SLC35F3: variants seen among roughly 807,000 people sequenced by gnomAD.
SLC35F3 encodes the protein solute carrier family 35 member F3.
Under a neutral mutation model 49.9 loss-of-function variants are expected in SLC35F3, and 25 were observed. The observed-to-expected ratio is 0.50, with a 90% CI of 0.37 to 0.70. SLC35F3 has a LOEUF of 0.70. SLC35F3 is among the 30% of genes least tolerant of loss of function. The pLI, the probability that SLC35F3 is intolerant of heterozygous loss-of-function variation, is 0.00. For synonymous variants in SLC35F3, 275 were observed against 265.4 expected (o/e 1.04, Z -0.35); for missense variants, 525 against 639.8 (o/e 0.82, Z 1.94).
chr1:234,032,396 A>G lies in SLC35F3; in HGVS notation c.283+126638A>G, dbSNP rs948635180. Reference sequence around the variant, plus strand: ...AAAAAAAAATTCAATAGGTTTTTGGAGAGCAGGTGGTGTTTGGTAACATGA... The same window carrying G: ...AAAAAAAAATTCAATAGGTTTTTGGGGAGCAGGTGGTGTTTGGTAACATGA... On this transcript the variant is annotated intron_variant, in intron 2 of 7. Transcript: ENST00000366618. Among the ~76,000 whole-genome samples, 9 of 151,498 alleles carry G rather than the reference A, an allele frequency of 5.9e-5. 1 individual carries two copies. The highest frequency in any genetic ancestry group is 5.3e-4 in the Admixed American group (8 of 15,228).
intron 2 of SLC35F3, among the ~76,000 whole-genome samples, chr1:234,120,973 G>A (rs2102893097): frequency 6.6e-6 from 1 of 152,038 alleles, no homozygotes; most frequent in South Asian, 2.1e-4. Context: ...GGTCTCTTTT[G>A]GATTCAAGCA....
chr1:234,153,010 G>A (rs1666098877), intron 2 of SLC35F3, among the ~76,000 whole-genome samples: 1 of 152,086 alleles, frequency 6.6e-6, no homozygotes, highest in Admixed American at 6.6e-5. Context: ...ATGTATGTTG[G>A]CAACATAAAA....
chr1:234,054,426 C>T (rs1186954066), intron 2 of SLC35F3, among the ~76,000 whole-genome samples: 6 of 152,158 alleles, frequency 3.9e-5, no homozygotes, highest in Admixed American at 1.3e-4. Context: ...TCCACTTGAT[C>T]GAATCGGCTA....
At chr1:233,940,909 A>C (rs1226327034) in intron 2 of SLC35F3, among the ~76,000 whole-genome samples, 1 of 152,194 alleles carries the variant, frequency 6.6e-6, no homozygotes, top group Non-Finnish European at 1.5e-5. Context: ...AATGTCTTTC[A>C]AAAAGGGTAT....
intron 3 of SLC35F3, among the ~76,000 whole-genome samples, chr1:234,302,036 T>C (rs936008451): frequency 6.6e-6 from 1 of 151,758 alleles, no homozygotes; most frequent in Admixed American, 6.6e-5. Context: ...CCAGGGCCTG[T>C]TGAAGGATGA....
At chr1:233,959,391 T>A (rs1662756939) in intron 2 of SLC35F3, among the ~76,000 whole-genome samples, 3 of 152,214 alleles carry the variant, frequency 2.0e-5, no homozygotes, top group African/African-American at 7.2e-5. Flanking sequence ...GTACACATAA[T>A]GGAAATCTCT....
chr1:233,988,068 G>A (rs774817517), intron 2 of SLC35F3, among the ~76,000 whole-genome samples: 4 of 152,072 alleles, frequency 2.6e-5, no homozygotes, highest in Non-Finnish European at 5.9e-5. Flanking sequence ...TCATGTCTGT[G>A]ATTTTTACTG....
intron 2 of SLC35F3, among the ~76,000 whole-genome samples, chr1:234,186,847 A>G (rs1440820667): frequency 6.6e-6 from 1 of 152,140 alleles, no homozygotes; most frequent in Non-Finnish European, 1.5e-5. Flanking sequence ...CCCCATAGTG[A>G]GCCTGAGACT....
chr1:233,956,988 G>C (rs1449041201), intron 2 of SLC35F3, among the ~76,000 whole-genome samples: 3 of 152,228 alleles, frequency 2.0e-5, no homozygotes, highest in Non-Finnish European at 1.5e-5. Context: ...AGCACATGGA[G>C]GGCATCGACC....
chr1:234,052,697 T>C (rs921741465), intron 2 of SLC35F3, among the ~76,000 whole-genome samples: 1 of 152,210 alleles, frequency 6.6e-6, no homozygotes, highest in Non-Finnish European at 1.5e-5. Context: ...ATGTGTTTGC[T>C]CTTGCTTCTG....
At chr1:234,202,790 A>G (rs1306488627) in intron 2 of SLC35F3, among the ~76,000 whole-genome samples, 1 of 152,258 alleles carries the variant, frequency 6.6e-6, no homozygotes, top group African/African-American at 2.4e-5. Context: ...CTCAAAGGAA[A>G]AGTAAAAAAC....
intron 2 of SLC35F3, among the ~76,000 whole-genome samples, chr1:234,176,468 C>A (rs1374362245): frequency 6.6e-6 from 1 of 152,154 alleles, no homozygotes; most frequent in Non-Finnish European, 1.5e-5. Flanking sequence ...ACCTTGAGGA[C>A]CCCAGAGCCC....
chr1:234,038,996 A>G (rs113921991), intron 2 of SLC35F3, among the ~76,000 whole-genome samples: 6 of 152,214 alleles, frequency 3.9e-5, no homozygotes, highest in Non-Finnish European at 7.3e-5. Context: ...ATGCAGTTCT[A>G]TTTTCATTCT....
chr1:234,065,603 G>T (rs2102864806), intron 2 of SLC35F3, among the ~76,000 whole-genome samples: 1 of 152,256 alleles, frequency 6.6e-6, no homozygotes, highest in South Asian at 2.1e-4. Flanking sequence ...CACAATATAT[G>T]AGTCTGCCAC....
intron 2 of SLC35F3, among the ~76,000 whole-genome samples, chr1:233,934,020 G>T (rs976412653): frequency 6.6e-6 from 1 of 152,208 alleles, no homozygotes; most frequent in African/African-American, 2.4e-5. Flanking sequence ...AAATAGTCTA[G>T]AGTTTAGCGG....
chr1:234,252,472 A>G (rs1294456161), intron 3 of SLC35F3, among the ~76,000 whole-genome samples: 1 of 152,222 alleles, frequency 6.6e-6, no homozygotes, highest in Non-Finnish European at 1.5e-5. Flanking sequence ...AATCCAAATT[A>G]GCAAACTAGA....
intron 2 of SLC35F3, among the ~76,000 whole-genome samples, chr1:234,052,958 T>G (rs1205922511): frequency 6.6e-6 from 1 of 152,248 alleles, no homozygotes; most frequent in Non-Finnish European, 1.5e-5. Context: ...TTGAGTGAGT[T>G]TCTTAATCCT....
intron 3 of SLC35F3, among the ~76,000 whole-genome samples, chr1:234,297,529 C>T (rs1219799689): frequency 6.6e-6 from 1 of 152,140 alleles, no homozygotes; most frequent in Non-Finnish European, 1.5e-5. Flanking sequence ...TGAAATAAGC[C>T]AGACACAAAG....
intron 2 of SLC35F3, among the ~76,000 whole-genome samples, chr1:234,108,030 A>G (rs1054829977): frequency 6.6e-6 from 1 of 151,448 alleles, no homozygotes; most frequent in African/African-American, 2.4e-5. Flanking sequence ...GGGTAATGAT[A>G]AGCATAAGCC....
Sources: gnomAD v4.1 joint callset for allele counts (sites outside exome capture counted in the v4.1 genomes callset) on GRCh38, gnomAD v4.1.1 for gene constraint, MANE v1.5 for transcripts, NCBI Gene and HGNC (gene_info 2026-07-23, HGNC 2026-07-21) for gene names.